Variants in TTC14 observed in about 807,000 individuals in gnomAD.
The protein encoded by TTC14 is tetratricopeptide repeat protein 14.
Under a neutral mutation model 79.9 loss-of-function variants are expected in TTC14, and 63 were observed. The ratio of observed to expected loss-of-function variants is 0.79; its 90% CI spans 0.64 to 0.97. The LOEUF (loss-of-function observed/expected upper bound fraction) is 0.97. Among genes scored for constraint, TTC14 ranks in the 50% least tolerant of loss-of-function variants. TTC14 has a pLI of 0.00. For missense variants in TTC14, 895 were observed against 894.0 expected, an observed-to-expected ratio of 1.00 and a Z score of -0.01; for synonymous variants, 335 against 309.6, an observed-to-expected ratio of 1.08 and a Z score of -0.86.
chr3:180,606,170 T>C, intron 7 of TTC14, 83 bp from the exon 8 acceptor site: 5 of 1,568,042 alleles, frequency 3.2e-6, no homozygotes, highest in Non-Finnish European at 4.3e-6. Context: ...TTGATGACAT[T>C]TGCTTTTAAA....
chr3:180,617,525 G>T, exon 13 of TTC14: 1 of 647,250 alleles, frequency 1.5e-6, no homozygotes, highest in Non-Finnish European at 2.8e-6. Context: ...GACAAGATAT[G>T]GAGGTGGAAG....
downstream of TTC14, among the ~76,000 whole-genome samples, chr3:180,615,802 G>GA (rs200839634): frequency 0.044 from 6,632 of 149,708 alleles, 187 homozygotes; most frequent in Non-Finnish European, 0.06. Flanking sequence ...AACTGCAGAA[G>GA]AAAAAAAAAG....
Position 180,610,629 on chromosome 3 carries a change from C to T in TTC14, c.*87C>T. Reference sequence around the variant, plus strand: ...AGTCATAACAGTTGAGTGCAGAAATCTCTGCTTCTAAAATTATTTGTAGAG... The same window carrying T: ...AGTCATAACAGTTGAGTGCAGAAATTTCTGCTTCTAAAATTATTTGTAGAG... On this transcript the variant is annotated 3_prime_UTR_variant, in exon 12 of 12. Transcript: ENST00000296015. 1 of 1,486,644 alleles carries T rather than the reference C, an allele frequency of 6.7e-7. No individual in the cohort carries two copies. Among genetic ancestry groups the T allele is most frequent in the Non-Finnish European group, 8.9e-7 (1 of 1,124,024 alleles). 92.1% of individuals were successfully genotyped at this position (1,486,644 alleles called of 1,614,324 possible).
Position 180,604,618 on chromosome 3 carries a change from C to T in TTC14, c.701+11C>T, listed in dbSNP as rs759430733. The T allele has an allele frequency of 1.3e-5, 20 of 1,589,462 alleles. No individual in the cohort carries two copies. Among genetic ancestry groups the T allele is most frequent in the Middle Eastern group, 3.8e-4 (2 of 5,260 alleles). ...TCCTTTATACTACAGGTAATTTATC[C>T]GTATTATTTCAACAACAGTTCATTA... is the stretch of plus-strand genomic sequence containing the variant. On this transcript the variant is annotated intron_variant, in intron 5 of 11. Transcript: ENST00000296015.
In TTC14 at chr3:180,609,690, AG is replaced by A; in HGVS notation, c.1462del (p.Val488CysfsTer41). The A allele has an allele frequency of 6.2e-7, 1 of 1,602,612 alleles. No homozygotes were observed. Among genetic ancestry groups the A allele is most frequent in the South Asian group, 1.1e-5 (1 of 88,080 alleles). ...CAAGTGTTTCTTCTGCTGATGAATC[AG>A]TGTCTTCATCATCATCCTCTTCCTC... ...SSSVSSADES[V>X]SSSSSSSSSG... On this transcript the variant is annotated frameshift_variant, in exon 12 of 12. Coordinates refer to ENST00000296015, the MANE Select transcript of TTC14 (RefSeq NM_133462.4). LOFTEE classifies it high-confidence loss of function.
Position 180,602,954 on chromosome 3 carries a change from T to C in TTC14, c.225T>C (p.Leu75=), listed in dbSNP as rs772273583. Residue 75 remains leucine (L), a synonymous_variant, in exon 2 of 12, where the codon CTT becomes CTC. Coordinates refer to ENST00000296015, the MANE Select transcript of TTC14 (RefSeq NM_133462.4). The stretch of plus-strand genomic sequence containing the variant: ...TCATCTCCAAAAAAGCGGATCTGCT[T>C]TTTGCACTTTCCTGGAAATCAGATG... The part of the protein sequence containing the change: ...QKFISKKADL[L]FALSWKSDAP... 7 of 1,614,032 alleles carry C rather than the reference T, an allele frequency of 4.3e-6. No individual in the cohort carries two copies. Among genetic ancestry groups the C allele is most frequent in the Non-Finnish European group, 5.9e-6 (7 of 1,180,002 alleles).
downstream of TTC14, among the ~76,000 whole-genome samples, chr3:180,615,599 A>G (rs547217676): frequency 1.3e-5 from 2 of 152,150 alleles, no homozygotes; most frequent in Non-Finnish European, 2.9e-5. Flanking sequence ...ACAGTTTTTT[A>G]TACTTAAATG....
At position 180,602,182 on chromosome 3, in the gene TTC14, C is replaced by T. The variant is rs575859335; in HGVS notation, c.-80C>T. On this transcript the variant is annotated 5_prime_UTR_variant, in exon 1 of 12. Coordinates refer to ENST00000296015, the MANE Select transcript of TTC14 (RefSeq NM_133462.4). ...GCCTCCAGACAGTTTCTTCCGCTTC[C>T]TGTACCACCCGGCTCAAGTAGCGGA... is the stretch of plus-strand genomic sequence containing the variant. 1.5e-4 allele frequency: 240 copies of T among 1,551,348 alleles called. 3 individuals are homozygous for T. In the Middle Eastern group the frequency reaches 3.1e-3, roughly 20 times the overall value.
At chr3:180,617,249 A>C (rs1717279899) in intron 12 of TTC14, 2 of 474,658 alleles carry the variant, frequency 4.2e-6, no homozygotes, top group South Asian at 9.6e-5. Context: ...TGGTGTAAAC[A>C]AACCTGCATT....
At chr3:180,614,534 T>C (rs578025584), downstream of TTC14, 1 of 156,836 alleles carries the variant, frequency 6.4e-6, no homozygotes, top group South Asian at 2.0e-4. Flanking sequence ...AAATGAGATT[T>C]TCACATTGCA....
downstream of TTC14, chr3:180,613,791 T>C (rs1389383012): frequency 2.4e-5 from 11 of 452,488 alleles, no homozygotes; most frequent in African/African-American, 8.0e-5. Context: ...AGCAGTACTT[T>C]AGCCAAAAAT....
chr3:180,603,638 G>GTAGTTAACA (rs1716511956), intron 3 of TTC14: 1 of 311,320 alleles, frequency 3.2e-6, no homozygotes, highest in Non-Finnish European at 6.1e-6. Context: ...TTGAACATAT[G>GTAGTTAACA]TATTCTTAAT....
At chr3:180,603,059 C>T (rs1417635199) in intron 2 of TTC14, 44 bp downstream of exon 2, 1 of 1,610,722 alleles carries the variant, frequency 6.2e-7, no homozygotes, top group South Asian at 1.1e-5. Context: ...TTCGGTTTAA[C>T]AGTACTTCAG....
chr3:180,611,642 G>A (rs1038190111), downstream of TTC14, among the ~76,000 whole-genome samples: 6 of 152,190 alleles, frequency 3.9e-5, no homozygotes, highest in Non-Finnish European at 8.8e-5. Context: ...TGAAAATAGT[G>A]TGGTATATTC....
In TTC14 at chr3:180,608,827, A is replaced by G. The variant is rs780438161; in HGVS notation, c.1400+17A>G. ...AGAGAAGAGGTAAACTATAATATTC[A>G]GTATTTTTAAACTTAAGGCAACTAC... is the stretch of plus-strand genomic sequence containing the variant. On this transcript the variant is annotated intron_variant, in intron 11 of 11. Coordinates refer to ENST00000296015, the MANE Select transcript of TTC14 (RefSeq NM_133462.4). 80 of 1,463,534 alleles carry G rather than the reference A, an allele frequency of 5.5e-5. No homozygotes were observed. The highest frequency in any genetic ancestry group is 7.1e-5 in the Non-Finnish European group (79 of 1,110,112). The allele number at this position is 1,463,534 out of a possible 1,614,324, so 90.7% of individuals were successfully genotyped here.
chr3:180,606,385 T>C lies in TTC14; in HGVS notation c.1049+13T>C. 1 of 1,613,850 alleles carries C rather than the reference T, an allele frequency of 6.2e-7. No homozygotes were observed. The highest frequency in any genetic ancestry group is 1.1e-5 in the South Asian group (1 of 91,034). ...CTCGTGGAGCATTGTAAGTGAATCATACATGGATTTTAAGGAATGTTTACC... is the reference window on the plus strand; with the variant it reads ...CTCGTGGAGCATTGTAAGTGAATCACACATGGATTTTAAGGAATGTTTACC... On this transcript the variant is annotated intron_variant, in intron 8 of 11. Transcript: ENST00000296015.
Position 180,610,947 on chromosome 3 carries a change from TTAAA to T in TTC14, c.*407_*410del. 3.1e-6 allele frequency: 3 copies of T among 971,238 alleles called. No individual in the cohort carries two copies. The highest frequency in any genetic ancestry group is 3.7e-6 in the Non-Finnish European group (3 of 817,198). The allele number at this position is 971,238 out of a possible 1,614,324, so 60.2% of individuals were successfully genotyped here. On this transcript the variant is annotated 3_prime_UTR_variant, in exon 12 of 12. Transcript: ENST00000296015. The stretch of plus-strand genomic sequence containing the variant: ...AAAATTAATTTCATTTTCTTTTCTG[TTAAA>T]TTAAAAATCGTCAGCTTTTGAAAGA...
At chr3:180,616,730 G>A (rs759533724) in intron 12 of TTC14, 63 of 1,570,550 alleles carry the variant, frequency 4.0e-5, no homozygotes, top group African/African-American at 1.8e-4. Context: ...TTCTATAAAC[G>A]TGTTTACCAG....
In TTC14 at chr3:180,603,181, G is replaced by A. The variant is rs150222211; in HGVS notation, c.344G>A (p.Arg115Gln). ...TTCATGGAGATACCTAGTATGGATC[G>A]GAGAGAGCTGTTTTTCCGAGATATT... ...EQFMEIPSMD[R>Q]RELFFRDIER... Residue 115 changes from arginine (R) to glutamine (Q), a missense_variant, in exon 3 of 12, where the codon CGG becomes CAG. By Grantham distance (43) the Arg-to-Gln change is conservative (BLOSUM62 1). Transcript: ENST00000296015. 237 of 1,613,936 alleles carry A rather than the reference G, an allele frequency of 1.5e-4. No individual in the cohort carries two copies. The African/African-American group carries it at 2.3e-3, about 15-fold the overall frequency.
Sources: allele counts gnomAD v4.1 joint callset (sites outside exome capture counted in the v4.1 genomes callset), GRCh38; gene constraint gnomAD v4.1.1; transcripts MANE v1.5; gene names NCBI Gene and HGNC (gene_info 2026-07-23, HGNC 2026-07-21).